The following STIM1 variants were observed in gnomAD, a reference collection of about 807,000 sequenced individuals.
The protein encoded by STIM1 is stromal interaction molecule 1.
In STIM1, 25 loss-of-function variants were observed where a neutral mutation model predicts 74.7. The ratio of observed to expected loss-of-function variants is 0.33; its 90% CI spans 0.24 to 0.47. The LOEUF (loss-of-function observed/expected upper bound fraction) is 0.47. Among genes scored for constraint, STIM1 ranks in the 20% least tolerant of loss-of-function variants. STIM1 has a pLI of 1.00. For missense variants in STIM1, 728 were observed against 920.8 expected (o/e 0.79, Z 2.71); for synonymous variants, 328 against 348.8 (o/e 0.94, Z 0.66).
At chr11:4,069,469 A>G (rs1180463921) in intron 5 of STIM1, among the ~76,000 whole-genome samples, 2 of 152,298 alleles carry the variant, frequency 1.3e-5, no homozygotes, top group Non-Finnish European at 2.9e-5. Context: ...TAGCCTAGAA[A>G]TGTTCTCCAT....
chr11:3,996,172 G>A (rs2093661805), intron 2 of STIM1, among the ~76,000 whole-genome samples: 1 of 152,122 alleles, frequency 6.6e-6, no homozygotes, highest in Non-Finnish European at 1.5e-5. Context: ...TGCTTCCTCG[G>A]CCAGGCAAAA....
chr11:3,886,146 A>C lies in STIM1; in HGVS notation c.139+29737A>C, dbSNP rs906664274. Among the ~76,000 whole-genome samples, 7 of 152,234 alleles carry C rather than the reference A, an allele frequency of 4.6e-5. No individual in the cohort carries two copies. The East Asian group carries it at 1.3e-3, about 29-fold the overall frequency. ...TATCTCCGATGATATCTTGAATATC[A>C]CACATTATAGGCCAAATATAGGTGC... On this transcript the variant is annotated intron_variant, in intron 1 of 12. Coordinates refer to ENST00000526596, the MANE Select transcript of STIM1 (RefSeq NM_001382567.1).
chr11:3,995,861 G>A (rs2093658903), intron 2 of STIM1, among the ~76,000 whole-genome samples: 1 of 150,734 alleles, frequency 6.6e-6, no homozygotes, highest in African/African-American at 2.4e-5. Context: ...GGATGTGCAG[G>A]TGGCCTGGCT....
intron 5 of STIM1, among the ~76,000 whole-genome samples, chr11:4,060,331 C>G (rs2094321942): frequency 6.6e-6 from 1 of 152,192 alleles, no homozygotes; most frequent in African/African-American, 2.4e-5. Flanking sequence ...AGGGTGCCAG[C>G]AGAAGAATGC....
chr11:4,003,849 A>C (rs1037439312), intron 2 of STIM1, among the ~76,000 whole-genome samples: 2 of 152,192 alleles, frequency 1.3e-5, no homozygotes, highest in Non-Finnish European at 2.9e-5. Context: ...CCATTGTCTC[A>C]GCCCAAAATC....
intron 3 of STIM1, among the ~76,000 whole-genome samples, chr11:4,035,561 T>C (rs2094092707): frequency 6.6e-6 from 1 of 152,134 alleles, no homozygotes; most frequent in Non-Finnish European, 1.5e-5. Flanking sequence ...AAATATTTTA[T>C]ATTTCCTTTT....
chr11:3,973,077 A>G (rs1317980641), intron 2 of STIM1: 6 of 439,868 alleles, frequency 1.4e-5, no homozygotes, highest in Non-Finnish European at 2.2e-5. Flanking sequence ...CCTGATTTCC[A>G]TAATCCTGCC....
intron 2 of STIM1, chr11:3,972,976 C>T (rs2093411180): frequency 2.0e-6 from 1 of 512,794 alleles, no homozygotes; most frequent in Non-Finnish European, 3.9e-6. Flanking sequence ...TCCACCACCT[C>T]CAAAATTGCT....
intron 1 of STIM1, among the ~76,000 whole-genome samples, chr11:3,938,012 C>T (rs936153993): frequency 1.3e-5 from 2 of 151,586 alleles, no homozygotes; most frequent in Non-Finnish European, 2.9e-5. Context: ...TGGCTCACTG[C>T]AACCTCCGCC....
At chr11:3,945,351 T>G (rs556526846) in intron 1 of STIM1, among the ~76,000 whole-genome samples, 2 of 151,316 alleles carry the variant, frequency 1.3e-5, no homozygotes, top group Non-Finnish European at 2.9e-5. Flanking sequence ...CTGAGGCGGG[T>G]GGATCACCTG....
chr11:3,985,548 C>T (rs1185689456), intron 2 of STIM1, among the ~76,000 whole-genome samples: 1 of 152,164 alleles, frequency 6.6e-6, no homozygotes, highest in Admixed American at 6.5e-5. Flanking sequence ...GTATAGGACA[C>T]AGGACCTGGA....
chr11:4,051,930 G>A (rs1049671815), intron 3 of STIM1, among the ~76,000 whole-genome samples: 3 of 152,158 alleles, frequency 2.0e-5, no homozygotes, highest in Non-Finnish European at 4.4e-5. Flanking sequence ...AAATCAATGT[G>A]CAAAAATCAT....
At chr11:4,036,640 G>A (rs535625777) in intron 3 of STIM1, among the ~76,000 whole-genome samples, 9 of 152,204 alleles carry the variant, frequency 5.9e-5, no homozygotes, top group African/African-American at 9.6e-5. Context: ...TTTGTTGGTC[G>A]CATGAATATC....
chr11:4,019,267 A>G (rs2093932944), intron 2 of STIM1: 1 of 152,122 alleles, frequency 6.6e-6, no homozygotes, highest in Admixed American at 6.5e-5. Context: ...TGTGAATACC[A>G]CTACTCTTGG....
At chr11:4,016,513 C>T (rs1490061947) in intron 2 of STIM1, among the ~76,000 whole-genome samples, 1 of 152,194 alleles carries the variant, frequency 6.6e-6, no homozygotes, top group Admixed American at 6.5e-5. Context: ...GTCAGGGACC[C>T]ACTTGAGGAG....
At chr11:3,989,222 C>T in intron 2 of STIM1, 2 of 886,298 alleles carry the variant, frequency 2.3e-6, no homozygotes, top group Non-Finnish European at 3.9e-6. Context: ...GTTTTCTTTT[C>T]CCTGTTTACT....
At chr11:3,942,271 G>A (rs896491484) in intron 1 of STIM1, among the ~76,000 whole-genome samples, 1 of 152,122 alleles carries the variant, frequency 6.6e-6, no homozygotes, top group Non-Finnish European at 1.5e-5. Context: ...AAGCACTAAT[G>A]GCCATATAAT....
At chr11:3,983,520 C>A (rs971529153) in intron 2 of STIM1, among the ~76,000 whole-genome samples, 1 of 152,130 alleles carries the variant, frequency 6.6e-6, no homozygotes, top group Non-Finnish European at 1.5e-5. Flanking sequence ...ATCTGTGGGA[C>A]AACCCTGGTG....
intron 1 of STIM1, among the ~76,000 whole-genome samples, chr11:3,891,561 A>G (rs2091897860): frequency 1.3e-5 from 2 of 152,154 alleles, no homozygotes; most frequent in South Asian, 4.1e-4. Context: ...CTAGGATTAC[A>G]GGTGTGAGCC....
Sources: allele counts gnomAD v4.1 joint callset (sites outside exome capture counted in the v4.1 genomes callset), GRCh38; gene constraint gnomAD v4.1.1; transcripts MANE v1.5; gene names NCBI Gene and HGNC (gene_info 2026-07-23, HGNC 2026-07-21).